Variants in PGBD2 observed in about 807,000 individuals in gnomAD.
PGBD2 encodes the protein piggyBac transposable element-derived protein 2.
Under a neutral mutation model 8.1 loss-of-function variants are expected in PGBD2, and 6 were observed. The observed-to-expected ratio is 0.74, with a 90% CI of 0.40 to 1.46. PGBD2 has a LOEUF of 1.46. PGBD2 is among the 40% of genes most tolerant of loss of function. PGBD2 has a pLI of 0.02. For missense variants in PGBD2, 802 were observed against 739.0 expected (o/e 1.09, Z -0.99); for synonymous variants, 318 against 272.2 (o/e 1.17, Z -1.66).
chr1:248,911,962 G>T (rs1414931508), intron 1 of PGBD2, among the ~76,000 whole-genome samples: 3 of 151,962 alleles, frequency 2.0e-5, no homozygotes. Context: ...TGTAAAAGTG[G>T]CCCAGAGTGA....
the PGBD2 span, among the ~76,000 whole-genome samples, chr1:248,927,813 A>G: frequency 6.6e-6 from 1 of 152,216 alleles, no homozygotes; most frequent in Non-Finnish European, 1.5e-5. Context: ...TAGAAAAAAT[A>G]CTAGTAAATA....
the PGBD2 span, among the ~76,000 whole-genome samples, chr1:248,887,880 T>C: frequency 4.6e-5 from 7 of 152,164 alleles, no homozygotes; most frequent in Non-Finnish European, 8.8e-5. Flanking sequence ...TAGTACTCAA[T>C]AGGAAGTTTT....
intron 1 of PGBD2, among the ~76,000 whole-genome samples, chr1:248,907,888 C>G (rs1661717804): frequency 6.6e-6 from 1 of 152,190 alleles, no homozygotes; most frequent in South Asian, 2.1e-4. Flanking sequence ...AGCAGTCTGA[C>G]TTCTCTTTCT....
intron 1 of PGBD2, among the ~76,000 whole-genome samples, chr1:248,911,400 C>T (rs1264307358): frequency 1.3e-5 from 2 of 150,288 alleles, no homozygotes; most frequent in African/African-American, 5.0e-5. Context: ...CCTGAGTGGA[C>T]ACAGCACATG....
chr1:248,906,297 T>G lies in PGBD2; in HGVS notation c.-93T>G, dbSNP rs1661631095. 1 of 151,878 alleles carries G rather than the reference T, an allele frequency of 6.6e-6. No individual in the cohort carries two copies. The highest frequency in any genetic ancestry group is 1.5e-5 in the Non-Finnish European group (1 of 67,984). 9.4% of individuals were successfully genotyped at this position (151,878 alleles called of 1,614,324 possible). ...GCGCAGCGCTCCGATTCGGCGCGGC[T>G]CATGGTCCGGTTCGGGCTCGCGAGT... On this transcript the variant is annotated 5_prime_UTR_variant, in exon 1 of 3. Transcript: ENST00000329291.
At chr1:248,929,251 T>C in the PGBD2 span, among the ~76,000 whole-genome samples, 2 of 152,312 alleles carry the variant, frequency 1.3e-5, no homozygotes, top group South Asian at 4.1e-4. Flanking sequence ...AAACATCTGC[T>C]TTTATTGTAG....
the PGBD2 span, among the ~76,000 whole-genome samples, chr1:248,891,085 T>C: frequency 2.6e-5 from 4 of 152,180 alleles, no homozygotes; most frequent in Non-Finnish European, 5.9e-5. Context: ...CATGGTAACA[T>C]AGACATACAC....
the PGBD2 span, among the ~76,000 whole-genome samples, chr1:248,880,445 T>C: frequency 6.6e-6 from 1 of 152,322 alleles, no homozygotes; most frequent in South Asian, 2.1e-4. Flanking sequence ...GGAATTTTGT[T>C]ATCTGAAATC....
downstream of PGBD2, among the ~76,000 whole-genome samples, chr1:248,922,405 G>C (rs777925259): frequency 2.0e-5 from 3 of 152,156 alleles, no homozygotes; most frequent in Non-Finnish European, 4.4e-5. Flanking sequence ...TCTGCAAACA[G>C]AGACCATTTG....
the PGBD2 span, among the ~76,000 whole-genome samples, chr1:248,874,328 T>C: frequency 1.3e-5 from 2 of 152,082 alleles, no homozygotes; most frequent in South Asian, 4.1e-4. Context: ...AAGTAAGCCG[T>C]TTTAAAAACT....
chr1:248,918,332 C>A lies in PGBD2; in HGVS notation c.1748C>A (p.Ala583Asp). The A allele has an allele frequency of 6.4e-7, 1 of 1,570,062 alleles. No individual in the cohort carries two copies. The highest frequency in any genetic ancestry group is 8.6e-7 in the Non-Finnish European group (1 of 1,158,352). ...RCEKCQKGVH[A>D]KCFREYHIR ...GAGAAGTGCCAGAAGGGTGTCCATG[C>A]CAAATGCTTCAGGGAGTACCACATC... The change falls in exon 3 of 3, where the codon GCC becomes GAC. Residue 583 changes from alanine (A) to aspartate (D), a missense_variant. Ala to Asp is a moderately radical substitution (Grantham distance 126, BLOSUM62 -2). Transcript: ENST00000329291.
the PGBD2 span, among the ~76,000 whole-genome samples, chr1:248,900,546 T>C: frequency 6.6e-6 from 1 of 152,286 alleles, no homozygotes; most frequent in South Asian, 2.1e-4. Flanking sequence ...TCCAACATCC[T>C]TCATGTTAAA....
chr1:248,874,943 T>TAGATAGATAGATAGATAGGC, the PGBD2 span, among the ~76,000 whole-genome samples: 8 of 150,642 alleles, frequency 5.3e-5, no homozygotes, highest in African/African-American at 2.0e-4. Flanking sequence ...GATAGATAGA[T>TAGATAGATAGATAGATAGGC]AGATAGATAG....
chr1:248,875,406 C>T, the PGBD2 span, among the ~76,000 whole-genome samples: 1 of 151,886 alleles, frequency 6.6e-6, no homozygotes, highest in African/African-American at 2.4e-5. Flanking sequence ...GCCATTACTC[C>T]ATGTCACACC....
At chr1:248,897,744 C>T in the PGBD2 span, among the ~76,000 whole-genome samples, 3 of 152,274 alleles carry the variant, frequency 2.0e-5, no homozygotes, top group Non-Finnish European at 4.4e-5. Flanking sequence ...TCAGTGGGCT[C>T]CACTCCCACA....
chr1:248,889,657 A>C, the PGBD2 span, among the ~76,000 whole-genome samples: 5,283 of 152,194 alleles, frequency 0.035, 302 homozygotes, highest in African/African-American at 0.12. Context: ...CAGGGAAAGG[A>C]GGGGAGGAAG....
At chr1:248,915,351 CT>C (rs879562509) in intron 2 of PGBD2, among the ~76,000 whole-genome samples, 1 of 152,236 alleles carries the variant, frequency 6.6e-6, no homozygotes, top group Non-Finnish European at 1.5e-5. Flanking sequence ...AGAAACTGTA[CT>C]TTCAGTACCC....
the PGBD2 span, among the ~76,000 whole-genome samples, chr1:248,893,129 G>A: frequency 1.3e-5 from 2 of 152,110 alleles, no homozygotes; most frequent in South Asian, 4.1e-4. Flanking sequence ...ATACAATTTG[G>A]ACATAGGTGC....
chr1:248,922,411 A>AT (rs1264693022), downstream of PGBD2, among the ~76,000 whole-genome samples: 1 of 152,202 alleles, frequency 6.6e-6, no homozygotes, highest in Non-Finnish European at 1.5e-5. Flanking sequence ...AACAGAGACC[A>AT]TTTGACTTCC....
Sources: allele counts gnomAD v4.1 joint callset (sites outside exome capture counted in the v4.1 genomes callset), GRCh38; gene constraint gnomAD v4.1.1; transcripts MANE v1.5; gene names NCBI Gene and HGNC (gene_info 2026-07-23, HGNC 2026-07-21).